ADCY9: variants seen among roughly 807,000 people sequenced by gnomAD.
The protein encoded by ADCY9 is adenylate cyclase 9, also known as adenylate cyclase type 9.
A neutral mutation model predicts 101.5 loss-of-function variants in ADCY9; 50 were observed. That is an observed-to-expected ratio of 0.49 (90% CI 0.39 to 0.62). The LOEUF is 0.62. Among genes scored for constraint, ADCY9 ranks in the 20% least tolerant of loss-of-function variants. ADCY9 has a pLI of 0.00. For synonymous variants in ADCY9, 905 were observed against 769.3 expected, an observed-to-expected ratio of 1.18 and a Z score of -2.92; for missense variants, 1,662 against 1,800.4, an observed-to-expected ratio of 0.92 and a Z score of 1.39.
At position 4,007,686 on chromosome 16, in the gene ADCY9, C is replaced by G. The variant is rs2056376351; in HGVS notation, c.1694-128G>C. On this transcript the variant is annotated intron_variant, in intron 2 of 10. Coordinates refer to ENST00000294016, the MANE Select transcript of ADCY9 (RefSeq NM_001116.4). ...GAGTAAAGTGAAAATGTGAATAGGT[C>G]ATAGTTTACGACGGACGTCCACGAT... 4.0e-6 allele frequency: 3 copies of G among 752,708 alleles called. No homozygotes were observed. In the East Asian group the frequency reaches 8.2e-5, roughly 21 times the overall value. The allele number at this position is 752,708 out of a possible 1,614,324, so 46.6% of individuals were successfully genotyped here.
At chr16:4,110,596 G>A (rs2057107896) in intron 2 of ADCY9, among the ~76,000 whole-genome samples, 1 of 151,972 alleles carries the variant, frequency 6.6e-6, no homozygotes, top group African/African-American at 2.4e-5. Flanking sequence ...CACTATATTG[G>A]CCACACTGGT....
chr16:4,028,956 C>T (rs1011546001), intron 2 of ADCY9, among the ~76,000 whole-genome samples: 15 of 151,962 alleles, frequency 9.9e-5, no homozygotes, highest in Non-Finnish European at 1.0e-4. Flanking sequence ...GGCTAATTTT[C>T]GTATTTTTAG....
intron 2 of ADCY9, among the ~76,000 whole-genome samples, chr16:4,067,356 C>G (rs916070892): frequency 6.6e-6 from 1 of 152,180 alleles, no homozygotes; most frequent in Non-Finnish European, 1.5e-5. Flanking sequence ...TTAAAATCCT[C>G]CCTCTTGCGC....
intron 2 of ADCY9, among the ~76,000 whole-genome samples, chr16:4,008,573 T>C (rs2056382823): frequency 6.9e-6 from 1 of 144,446 alleles, no homozygotes; most frequent in African/African-American, 2.5e-5. Context: ...GGTCCCTTCT[T>C]TTTTTTTTTT....
chr16:4,000,936 T>G (rs904918641), intron 3 of ADCY9, among the ~76,000 whole-genome samples: 1 of 143,650 alleles, frequency 7.0e-6, no homozygotes, highest in African/African-American at 2.6e-5. Context: ...GCCAGTTCAA[T>G]GATTCCGCAC....
Position 4,028,877 on chromosome 16 carries a change from C to T in ADCY9, c.1694-21319G>A, listed in dbSNP as rs140469897. 5.3e-3 allele frequency among the ~76,000 whole-genome samples: 813 copies of T among 152,008 alleles called. 7 individuals carry two copies. The highest frequency in any genetic ancestry group is 0.018 in the African/African-American group (733 of 41,470). On this transcript the variant is annotated intron_variant, in intron 2 of 10. Coordinates refer to ENST00000294016, the MANE Select transcript of ADCY9 (RefSeq NM_001116.4). ...TCGGCTCACTGCAACCTCTGCCTCC[C>T]GGGTTCAAGCAATTCTCCTGCCTCA...
In ADCY9 at chr16:3,964,641, C is replaced by G. The variant is rs944875152; in HGVS notation, c.*1134G>C. 7 of 152,952 alleles carry G rather than the reference C, an allele frequency of 4.6e-5. No homozygotes were observed. The highest frequency in any genetic ancestry group is 7.3e-5 in the Non-Finnish European group (5 of 68,674). 9.5% of individuals were successfully genotyped at this position (152,952 alleles called of 1,614,324 possible). A position where few individuals can be genotyped will look rare whatever the true frequency, so the allele number is the denominator to read the frequency against. On this transcript the variant is annotated 3_prime_UTR_variant, in exon 11 of 11. Coordinates refer to ENST00000294016, the MANE Select transcript of ADCY9 (RefSeq NM_001116.4). ...TGAGCTGGACCCCGGCAGGGAGGAG[C>G]CCCCGTGGGTGGCAGGGGCAGCTGG...
At chr16:4,077,816 A>G (rs1202552158) in intron 2 of ADCY9, among the ~76,000 whole-genome samples, 2 of 152,154 alleles carry the variant, frequency 1.3e-5, no homozygotes, top group Non-Finnish European at 2.9e-5. Context: ...CCTGGCCAGC[A>G]TGGCAAAACG....
At chr16:4,000,501 C>T (rs2056322256) in intron 3 of ADCY9, among the ~76,000 whole-genome samples, 1 of 152,150 alleles carries the variant, frequency 6.6e-6, no homozygotes, top group Admixed American at 6.5e-5. Context: ...GCTAATGCAA[C>T]ATTAGAGAAA....
intron 10 of ADCY9, among the ~76,000 whole-genome samples, chr16:3,970,659 T>G (rs1449073536): frequency 1.3e-5 from 2 of 152,202 alleles, no homozygotes; most frequent in Non-Finnish European, 2.9e-5. Context: ...AAGTGTCTAA[T>G]AAGTTTCACT....
At chr16:3,983,709 G>A (rs550718787) in intron 6 of ADCY9, 11 of 481,860 alleles carry the variant, frequency 2.3e-5, no homozygotes, top group East Asian at 2.1e-4. Context: ...TAGGAGGGTC[G>A]CTGGAGCCCA....
chr16:4,042,605 T>G (rs1255042957), intron 2 of ADCY9, among the ~76,000 whole-genome samples: 1 of 152,198 alleles, frequency 6.6e-6, no homozygotes, highest in Admixed American at 6.5e-5. Context: ...TATTTCCTAG[T>G]GACTAGGATT....
intron 6 of ADCY9, chr16:3,984,066 T>C (rs2531979): frequency 0.21 from 31,694 of 151,974 alleles, 3,804 homozygotes; most frequent in East Asian, 0.44. Flanking sequence ...AATTATACCG[T>C]TTCCGAAAAC....
At position 4,045,760 on chromosome 16, in the gene ADCY9, G is replaced by A. The variant is rs185327520; in HGVS notation, c.1694-38202C>T. Among the ~76,000 whole-genome samples, 527 of 151,678 alleles carry A rather than the reference G, an allele frequency of 3.5e-3. 5 individuals are homozygous for A. Among genetic ancestry groups the A allele is most frequent in the Non-Finnish European group, 5.6e-3 (382 of 67,898 alleles). Reference sequence around the variant, plus strand: ...GTTGCCCAGGCTGCAGTACAGTGGCGCGATCTTGGCTCACTGCAGCCTCGA... The same window carrying A: ...GTTGCCCAGGCTGCAGTACAGTGGCACGATCTTGGCTCACTGCAGCCTCGA... On this transcript the variant is annotated intron_variant, in intron 2 of 10. Coordinates refer to ENST00000294016, the MANE Select transcript of ADCY9 (RefSeq NM_001116.4).
intron 2 of ADCY9, among the ~76,000 whole-genome samples, chr16:4,072,192 A>G (rs192584514): frequency 1.3e-4 from 20 of 152,260 alleles, no homozygotes; most frequent in Admixed American, 1.3e-3. Flanking sequence ...ACCCTCCTTA[A>G]AGGCTCAGGG....
Position 3,992,110 on chromosome 16 carries a change from C to G in ADCY9, c.2207+36G>C. The G allele has an allele frequency of 6.2e-7, 1 of 1,601,542 alleles. No homozygotes were observed. The highest frequency in any genetic ancestry group is 1.1e-5 in the South Asian group (1 of 90,566). On this transcript the variant is annotated intron_variant, in intron 5 of 10. Transcript: ENST00000294016. This position sits in a 1 kb window ranked among gnomAD's most constrained non-coding sequence, Gnocchi z 4.2. ...AAAAAGGCAGAGAGGCTTCTGCCTG[C>G]AACCTTTGCTTTTTCCCAGACAGCC...
chr16:4,113,165 CTTTT>C (rs148980633), intron 2 of ADCY9, among the ~76,000 whole-genome samples: 4 of 146,698 alleles, frequency 2.7e-5, no homozygotes, highest in African/African-American at 7.8e-5. Context: ...AAAATGCAAA[CTTTT>C]TTTAAAAAAA....
At chr16:4,097,507 A>G (rs1301289553) in intron 2 of ADCY9, among the ~76,000 whole-genome samples, 22 of 95,078 alleles carry the variant, frequency 2.3e-4, no homozygotes, top group African/African-American at 8.0e-4. Context: ...CACACTATAT[A>G]TATGTATAAA....
At chr16:3,980,238 CGT>C (rs2056129411) in intron 7 of ADCY9, among the ~76,000 whole-genome samples, 1 of 152,072 alleles carries the variant, frequency 6.6e-6, no homozygotes, top group Admixed American at 6.6e-5. Context: ...CTTTTGCAGG[CGT>C]GTGTCTAGCG....
Sources: gnomAD v4.1 joint callset for allele counts (sites outside exome capture counted in the v4.1 genomes callset) on GRCh38, gnomAD v4.1.1 for gene constraint, Gnocchi (gnomAD v3.1) non-coding constraint, MANE v1.5 for transcripts, NCBI Gene and HGNC (gene_info 2026-07-23, HGNC 2026-07-21) for gene names.